The following INPP4B variants were observed in gnomAD, a reference collection of about 807,000 sequenced individuals.
INPP4B encodes the protein inositol polyphosphate-4-phosphatase type II B.
A neutral mutation model predicts 122.5 loss-of-function variants in INPP4B; 55 were observed. The ratio of observed to expected loss-of-function variants is 0.45; its 90% CI spans 0.36 to 0.56. The LOEUF is 0.56. Ranked by LOEUF, INPP4B falls within the 20% of genes least tolerant of loss-of-function variation. The pLI, the probability that INPP4B is intolerant of heterozygous loss-of-function variation, is 0.00. For missense variants in INPP4B, 1,000 were observed against 1,097.7 expected (o/e 0.91, Z 1.26); for synonymous variants, 403 against 388.7 (o/e 1.04, Z -0.43).
At chr4:142,169,753 C>A (rs1004861717) in intron 16 of INPP4B, among the ~76,000 whole-genome samples, 11 of 151,580 alleles carry the variant, frequency 7.3e-5, no homozygotes, top group Admixed American at 5.9e-4. Flanking sequence ...TTATAAAACA[C>A]CCCATTCTTT....
chr4:142,799,357 C>T (rs1777712672), intron 1 of INPP4B, among the ~76,000 whole-genome samples: 3 of 151,882 alleles, frequency 2.0e-5, no homozygotes, highest in South Asian at 4.1e-4. Context: ...AAAAATTAGA[C>T]AATTCCAAAA....
At chr4:142,408,834 A>C (rs1803994181) in intron 5 of INPP4B, among the ~76,000 whole-genome samples, 2 of 152,184 alleles carry the variant, frequency 1.3e-5, no homozygotes, top group Admixed American at 1.3e-4. Context: ...TTAGTATTGA[A>C]TTGTTTAAAA....
At chr4:142,384,664 T>TATAA (rs1795335943) in intron 7 of INPP4B, among the ~76,000 whole-genome samples, 1 of 152,230 alleles carries the variant, frequency 6.6e-6, no homozygotes, top group Non-Finnish European at 1.5e-5. Flanking sequence ...ATCTCTTGAT[T>TATAA]ATAATGCCCT....
chr4:142,072,069 A>C (rs1201094991), intron 25 of INPP4B, among the ~76,000 whole-genome samples: 1 of 152,226 alleles, frequency 6.6e-6, no homozygotes, highest in Non-Finnish European at 1.5e-5. Context: ...TCACAATAGC[A>C]AAGACTTGGA....
intron 17 of INPP4B, among the ~76,000 whole-genome samples, chr4:142,147,316 G>C: frequency 6.6e-6 from 1 of 152,170 alleles, no homozygotes; most frequent in Non-Finnish European, 1.5e-5. Flanking sequence ...TTTTGGAAAG[G>C]ATAAATCAAG....
chr4:142,699,858 T>C (rs966026166), intron 2 of INPP4B, among the ~76,000 whole-genome samples: 4 of 152,154 alleles, frequency 2.6e-5, no homozygotes, highest in Non-Finnish European at 4.4e-5. Context: ...TGCATTTGTC[T>C]AAAACTAACT....
chr4:142,428,787 G>A (rs2149358198), intron 5 of INPP4B, among the ~76,000 whole-genome samples: 1 of 152,066 alleles, frequency 6.6e-6, no homozygotes, highest in Non-Finnish European at 1.5e-5. Context: ...AAGAATCCTG[G>A]AAATGCCATA....
chr4:142,675,814 T>A (rs1362782082), intron 2 of INPP4B, among the ~76,000 whole-genome samples: 1 of 152,082 alleles, frequency 6.6e-6, no homozygotes, highest in Non-Finnish European at 1.5e-5. Flanking sequence ...TGCTAAAAAC[T>A]CTCAATAAAC....
chr4:142,300,773 C>A (rs1761076887), intron 9 of INPP4B, among the ~76,000 whole-genome samples: 1 of 151,894 alleles, frequency 6.6e-6, no homozygotes, highest in Non-Finnish European at 1.5e-5. Context: ...ATTATATATC[C>A]ATTTAAGATC....
intron 7 of INPP4B, among the ~76,000 whole-genome samples, chr4:142,367,188 ATGTG>A (rs5862590): frequency 0.26 from 34,692 of 132,502 alleles, 4,738 homozygotes; most frequent in African/African-American, 0.38. Flanking sequence ...TACATGTAAT[ATGTG>A]TGTGTGTGTG....
chr4:142,146,052 A>G lies in INPP4B; in HGVS notation c.1564-56T>C. On this transcript the variant is annotated intron_variant, in intron 17 of 25. Coordinates refer to ENST00000262992, the MANE Select transcript of INPP4B (RefSeq NM_001101669.3). ...TTTGTCACAAAAACAAGATAAGGCA[A>G]AGTCGGATAAATCTATTTTAGAGAA... is the stretch of plus-strand genomic sequence containing the variant. The G allele has an allele frequency of 3.2e-6, 5 of 1,562,036 alleles. No homozygotes were observed. In the South Asian group the frequency reaches 4.7e-5, roughly 15 times the overall value.
At chr4:142,613,856 T>A (rs1195953617) in intron 2 of INPP4B, among the ~76,000 whole-genome samples, 1 of 152,228 alleles carries the variant, frequency 6.6e-6, no homozygotes, top group Non-Finnish European at 1.5e-5. Context: ...TCTTCAAGGT[T>A]ATTTGCAAAT....
chr4:142,491,694 T>TA (rs1271202522), intron 2 of INPP4B, among the ~76,000 whole-genome samples: 1 of 151,968 alleles, frequency 6.6e-6, no homozygotes, highest in African/African-American at 2.4e-5. Flanking sequence ...TGAATATATA[T>TA]TTTTTAAAAG....
intron 2 of INPP4B, among the ~76,000 whole-genome samples, chr4:142,498,115 A>C (rs1236973868): frequency 7.0e-6 from 1 of 142,204 alleles, no homozygotes; most frequent in Non-Finnish European, 1.5e-5. Flanking sequence ...GTGTGTATAT[A>C]TATATACACA....
chr4:142,299,118 CAT>C (rs1760139039), intron 9 of INPP4B, among the ~76,000 whole-genome samples: 2 of 151,358 alleles, frequency 1.3e-5, no homozygotes, highest in Admixed American at 6.6e-5. Flanking sequence ...TGTTGACTCA[CAT>C]GTTTTCCTGC....
At chr4:142,182,019 C>T (rs1830997889) in intron 15 of INPP4B, among the ~76,000 whole-genome samples, 1 of 152,140 alleles carries the variant, frequency 6.6e-6, no homozygotes, top group Admixed American at 6.5e-5. Context: ...AAAATCCCTT[C>T]CTAAGCTAAC....
intron 2 of INPP4B, among the ~76,000 whole-genome samples, chr4:142,709,846 C>T (rs1560984940): frequency 6.6e-6 from 1 of 152,204 alleles, no homozygotes; most frequent in Non-Finnish European, 1.5e-5. Context: ...GCCCACCTCT[C>T]ATTTCCTTTC....
At chr4:142,422,747 G>A (rs547859382) in intron 5 of INPP4B, among the ~76,000 whole-genome samples, 1 of 152,232 alleles carries the variant, frequency 6.6e-6, no homozygotes, top group Admixed American at 6.5e-5. Flanking sequence ...CTAGGAGTTG[G>A]AGGCTGCAGT....
chr4:142,810,623 C>T lies in INPP4B; in HGVS notation c.-254+35586G>A, dbSNP rs186477864. On this transcript the variant is annotated intron_variant, in intron 1 of 25. Transcript: ENST00000262992. ...GATTTCATAAAATCAGCTCACCTAA[C>T]ATCTATTAAATTTCTATGGCACAAA... Among the ~76,000 whole-genome samples the T allele has an allele frequency of 2.4e-3, 366 of 152,306 alleles. 2 individuals are homozygous for T. Among genetic ancestry groups the T allele is most frequent in the African/African-American group, 8.1e-3 (338 of 41,566 alleles).
Sources: allele counts gnomAD v4.1 joint callset (sites outside exome capture counted in the v4.1 genomes callset), GRCh38; gene constraint gnomAD v4.1.1; transcripts MANE v1.5; gene names NCBI Gene and HGNC (gene_info 2026-07-23, HGNC 2026-07-21).